Variants in INPP4B observed in about 807,000 individuals in gnomAD.
INPP4B encodes the protein inositol polyphosphate-4-phosphatase type II B.
Under a neutral mutation model 122.5 loss-of-function variants are expected in INPP4B, and 55 were observed. The ratio of observed to expected loss-of-function variants is 0.45; its 90% CI spans 0.36 to 0.56. INPP4B has a LOEUF of 0.56. Ranked by LOEUF, INPP4B falls within the 20% of genes least tolerant of loss-of-function variation. INPP4B has a pLI of 0.00. For missense variants in INPP4B, 1,000 were observed against 1,097.7 expected, an observed-to-expected ratio of 0.91 and a Z score of 1.26; for synonymous variants, 403 against 388.7, an observed-to-expected ratio of 1.04 and a Z score of -0.43.
intron 7 of INPP4B, chr4:142,317,330 GA>G: frequency 8.1e-6 from 3 of 368,542 alleles, no homozygotes; most frequent in Non-Finnish European, 1.6e-5. Context: ...AAATTTACAT[GA>G]AAATGGGAAA....
At chr4:142,320,904 C>T (rs550958285) in intron 7 of INPP4B, among the ~76,000 whole-genome samples, 32 of 152,238 alleles carry the variant, frequency 2.1e-4, no homozygotes, top group Non-Finnish European at 4.3e-4. Context: ...TATATTTTTG[C>T]AATTATGAAT....
intron 15 of INPP4B, among the ~76,000 whole-genome samples, chr4:142,185,085 T>C (rs554315969): frequency 6.6e-6 from 1 of 152,306 alleles, no homozygotes; most frequent in East Asian, 1.9e-4. Flanking sequence ...ACAGTGGTTC[T>C]ATGTGCTAGG....
At chr4:142,259,228 T>A (rs1180304401) in intron 11 of INPP4B, among the ~76,000 whole-genome samples, 3 of 136,470 alleles carry the variant, frequency 2.2e-5, no homozygotes, top group Non-Finnish European at 4.8e-5. Flanking sequence ...GGGGGAGGGA[T>A]AGCATTGGGA....
intron 2 of INPP4B, among the ~76,000 whole-genome samples, chr4:142,536,219 A>C (rs1170549451): frequency 7.1e-6 from 1 of 140,482 alleles, no homozygotes; most frequent in African/African-American, 2.5e-5. Flanking sequence ...AACATTCAAT[A>C]CTTGGTTCAT....
At chr4:142,585,775 T>C (rs1015595279) in intron 2 of INPP4B, among the ~76,000 whole-genome samples, 6 of 151,786 alleles carry the variant, frequency 4.0e-5, no homozygotes, top group African/African-American at 1.5e-4. Flanking sequence ...ATGACTTGAG[T>C]TAGGAGGTAG....
At chr4:142,176,435 C>T (rs980714272) in intron 15 of INPP4B, among the ~76,000 whole-genome samples, 4 of 152,036 alleles carry the variant, frequency 2.6e-5, no homozygotes, top group South Asian at 2.1e-4. Context: ...CCATTTTACT[C>T]CTATCAATAT....
At chr4:142,642,672 C>T (rs1357015768) in intron 2 of INPP4B, among the ~76,000 whole-genome samples, 1 of 152,024 alleles carries the variant, frequency 6.6e-6, no homozygotes, top group Admixed American at 6.6e-5. Context: ...TTACTGTAGC[C>T]TTGTAGTATA....
chr4:142,699,644 A>T (rs536241729), intron 2 of INPP4B, among the ~76,000 whole-genome samples: 1 of 152,272 alleles, frequency 6.6e-6, no homozygotes, highest in South Asian at 2.1e-4. Flanking sequence ...TCTATTAAAT[A>T]CTTTTGTCTC....
chr4:142,633,141 G>T (rs910044238), intron 2 of INPP4B, among the ~76,000 whole-genome samples: 2 of 151,856 alleles, frequency 1.3e-5, no homozygotes, highest in Non-Finnish European at 2.9e-5. Flanking sequence ...AAGAAAAATT[G>T]CTAACGACAA....
chr4:142,450,182 C>A (rs965587722), intron 3 of INPP4B, among the ~76,000 whole-genome samples: 2 of 152,152 alleles, frequency 1.3e-5, no homozygotes, highest in Non-Finnish European at 2.9e-5. Flanking sequence ...CTCTTGGCAC[C>A]CCACTCAGCC....
chr4:142,433,394 G>C (rs1809756977), intron 3 of INPP4B, among the ~76,000 whole-genome samples: 1 of 152,098 alleles, frequency 6.6e-6, no homozygotes. Flanking sequence ...ATCTTACTCA[G>C]AAGAGGTACA....
At chr4:142,274,815 A>G (rs946490336) in intron 9 of INPP4B, among the ~76,000 whole-genome samples, 1 of 151,750 alleles carries the variant, frequency 6.6e-6, no homozygotes, top group African/African-American at 2.4e-5. Flanking sequence ...GTGTATTGCC[A>G]GGTCATTACC....
chr4:142,456,599 T>C (rs1815473820), intron 3 of INPP4B, among the ~76,000 whole-genome samples: 1 of 152,050 alleles, frequency 6.6e-6, no homozygotes, highest in Admixed American at 6.6e-5. Flanking sequence ...TCATATAGAA[T>C]ATAAAATATA....
intron 8 of INPP4B, among the ~76,000 whole-genome samples, chr4:142,314,124 A>C (rs888138080): frequency 1.3e-5 from 2 of 152,120 alleles, no homozygotes; most frequent in African/African-American, 4.8e-5. Context: ...CCTGTGGGCT[A>C]TATCTTTTAG....
At chr4:142,456,744 T>C (rs959539498) in intron 3 of INPP4B, among the ~76,000 whole-genome samples, 1 of 152,126 alleles carries the variant, frequency 6.6e-6, no homozygotes, top group African/African-American at 2.4e-5. Context: ...AGACTCATTA[T>C]TGGTAAAAGG....
intron 12 of INPP4B, among the ~76,000 whole-genome samples, chr4:142,213,593 G>A (rs536423505): frequency 1.4e-4 from 21 of 152,242 alleles, no homozygotes; most frequent in South Asian, 2.1e-4. Context: ...TCTGATAGGC[G>A]TGATTTTGAT....
chr4:142,226,170 G>A (rs1455827490), intron 12 of INPP4B, among the ~76,000 whole-genome samples: 1 of 152,098 alleles, frequency 6.6e-6, no homozygotes, highest in African/African-American at 2.4e-5. Flanking sequence ...TAACTTGTCT[G>A]CACTCAACCC....
rs146973196 is a variant in INPP4B, at chr4:142,082,204, C to T, written c.2488-19G>A. Reference sequence around the variant, plus strand: ...GGCAAATCTGTAACATATGTAAGAACGAACGTTTCTTGTTCATTTGTAATA... The same window carrying T: ...GGCAAATCTGTAACATATGTAAGAATGAACGTTTCTTGTTCATTTGTAATA... On this transcript the variant is annotated intron_variant, in intron 24 of 25. Transcript: ENST00000262992. 1.5e-3 allele frequency: 2,192 copies of T among 1,488,500 alleles called. 15 individuals carry two copies. The highest frequency in any genetic ancestry group is 6.8e-4 in the Non-Finnish European group (741 of 1,095,438). 92.2% of individuals were successfully genotyped at this position (1,488,500 alleles called of 1,614,324 possible).
chr4:142,321,997 A>G (rs10519642), intron 7 of INPP4B, among the ~76,000 whole-genome samples: 19,504 of 152,202 alleles, frequency 0.13, 1,541 homozygotes, highest in African/African-American at 0.21. Flanking sequence ...TGTATCAAGC[A>G]CATATTATGA....
Sources: allele counts gnomAD v4.1 joint callset (sites outside exome capture counted in the v4.1 genomes callset), GRCh38; gene constraint gnomAD v4.1.1; transcripts MANE v1.5; gene names NCBI Gene and HGNC (gene_info 2026-07-23, HGNC 2026-07-21).